Variants in CHD8 observed in about 807,000 individuals in gnomAD.
The protein encoded by CHD8 is ATP-dependent chromatin remodeler CHD8.
In CHD8, 31 loss-of-function variants were observed where a neutral mutation model predicts 279.2. The ratio of observed to expected loss-of-function variants is 0.11; its 90% CI spans 0.08 to 0.15. The LOEUF (loss-of-function observed/expected upper bound fraction) is 0.15, where lower values mean the gene tolerates loss of function less well. Among genes scored for constraint, CHD8 ranks in the 10% least tolerant of loss-of-function variants. The pLI, the probability that CHD8 is intolerant of heterozygous loss-of-function variation, is 1.00. For missense variants in CHD8, 2,146 were observed against 3,230.5 expected, an observed-to-expected ratio of 0.66 and a Z score of 8.14; for synonymous variants, 1,081 against 1,139.6, an observed-to-expected ratio of 0.95 and a Z score of 1.04.
At chr14:21,410,648 T>A (rs957023477) in intron 10 of CHD8, among the ~76,000 whole-genome samples, 2 of 152,250 alleles carry the variant, frequency 1.3e-5, no homozygotes, top group African/African-American at 2.4e-5. Context: ...TGGCTCCTAT[T>A]TTCACTATTC....
intron 37 of CHD8, 109 bp downstream of exon 37, chr14:21,390,838 A>G (rs1208217635): frequency 3.0e-6 from 2 of 665,904 alleles, no homozygotes; most frequent in African/African-American, 1.8e-5. Flanking sequence ...TCTTCACACA[A>G]ACAAACATAG....
chr14:21,426,393 G>A (rs11848144), intron 4 of CHD8, 151 bp from the exon 5 acceptor site: 1 of 580,594 alleles, frequency 1.7e-6, no homozygotes, highest in Admixed American at 3.3e-5. Flanking sequence ...TAAATATGGT[G>A]TTTGAAAAAA....
intron 1 of CHD8, among the ~76,000 whole-genome samples, chr14:21,437,765 T>C (rs536995544): frequency 6.6e-6 from 1 of 152,312 alleles, no homozygotes; most frequent in South Asian, 2.1e-4. Flanking sequence ...GCACTCTTTC[T>C]GCCACAACAC....
intron 29 of CHD8, 40 bp from the exon 30 acceptor site, chr14:21,395,159 G>T: frequency 6.3e-7 from 1 of 1,583,860 alleles, no homozygotes; most frequent in East Asian, 2.3e-5. Flanking sequence ...AGTATAGCAA[G>T]GGTAGTAGAG....
At chr14:21,401,696 T>C (rs1306956294) in intron 20 of CHD8, 183 bp from the exon 21 acceptor site, 4 of 581,900 alleles carry the variant, frequency 6.9e-6, no homozygotes, top group Non-Finnish European at 1.2e-5. Context: ...GTGATTCTCC[T>C]GCCTCAGCCT....
In CHD8 at chr14:21,408,600, C is replaced by T. The variant is rs765471386; in HGVS notation, c.2487-45G>A. ...AAAAAAAAATGTTAAAAGATACTAT[C>T]TTTAAAAAAAATAGAGTATGTAGGA... On this transcript the variant is annotated intron_variant, in intron 12 of 37. Transcript: ENST00000646647. This position sits in a 1 kb window ranked among gnomAD's most constrained non-coding sequence, Gnocchi z 4.3. 6.4e-7 allele frequency: 1 copy of T among 1,573,642 alleles called. No individual in the cohort carries two copies. The highest frequency in any genetic ancestry group is 8.6e-7 in the Non-Finnish European group (1 of 1,161,372).
intron 4 of CHD8, 48 bp from the exon 5 acceptor site, chr14:21,426,290 T>G (rs1408593725): frequency 4.1e-6 from 4 of 976,938 alleles, no homozygotes; most frequent in African/African-American, 1.6e-5. Context: ...AAAGAAAATT[T>G]AGGAGTAAAA....
chr14:21,446,394 C>A (rs962340029), intron 1 of CHD8, among the ~76,000 whole-genome samples: 8 of 151,114 alleles, frequency 5.3e-5, no homozygotes, highest in African/African-American at 1.9e-4. Flanking sequence ...TCACTGCAAC[C>A]TCTGTCTCCC....
At chr14:21,397,187 C>T (rs1594336064) in intron 27 of CHD8, 1 of 295,724 alleles carries the variant, frequency 3.4e-6, no homozygotes, top group East Asian at 8.4e-5. Flanking sequence ...AACCCAATTT[C>T]CTTTGAGGGT....
intron 25 of CHD8, 61 bp downstream of exon 25, chr14:21,399,920 C>CA (rs1466549693): frequency 1.4e-6 from 2 of 1,384,780 alleles, no homozygotes; most frequent in African/African-American, 2.9e-5. Context: ...ATGAAATAAG[C>CA]AAACCAATCT....
Position 21,393,990 on chromosome 14 carries a change from T to G in CHD8, c.5805A>C (p.Arg1935Ser). 6.2e-7 allele frequency: 1 copy of G among 1,613,898 alleles called. No individual in the cohort carries two copies. Among genetic ancestry groups the G allele is most frequent in the South Asian group, 1.1e-5 (1 of 91,080 alleles). The change falls in exon 32 of 38, where the codon AGA becomes AGC. Residue 1935 changes from arginine (R) to serine (S), a missense_variant. Physicochemically the swap from Arg to Ser is moderately radical, Grantham distance 110 (BLOSUM62 -1). Coordinates refer to ENST00000646647, the MANE Select transcript of CHD8 (RefSeq NM_001170629.2). ...GGCTCACCCCATGGCGGGCTGCCCCTCTTAGAAGCTCCCCATCATGCCGAA... is the reference window on the plus strand; with the variant it reads ...GGCTCACCCCATGGCGGGCTGCCCCGCTTAGAAGCTCCCCATCATGCCGAA... ...EPVRHDGELL[R>S]GAARHGVSQT...
At position 21,395,851 on chromosome 14, in the gene CHD8, G is replaced by A; in HGVS notation, c.5093C>T (p.Pro1698Leu). ...TTGGTCCTTTGGGGGACCTTGGAGT[G>A]GTTTATATTCAGGATCTTCACAATC... is the stretch of plus-strand genomic sequence containing the variant. ...DKDCEDPEYKPLQGPPKDQDD... is the reference protein window; with the variant it reads ...DKDCEDPEYKLLQGPPKDQDD... Residue 1698 changes from proline (P) to leucine (L), a missense_variant, in exon 28 of 38, where the codon CCA becomes CTA. Around this residue, in one of 26 missense-constraint regions of CHD8, gnomAD observed 75 missense variants for 81.3 expected, o/e 0.92. Transcript: ENST00000646647. The A allele has an allele frequency of 6.2e-7, 1 of 1,611,642 alleles. No homozygotes were observed. Among genetic ancestry groups the A allele is most frequent in the Non-Finnish European group, 8.5e-7 (1 of 1,178,142 alleles).
At chr14:21,444,302 G>A (rs1012584939) in intron 1 of CHD8, among the ~76,000 whole-genome samples, 6 of 152,176 alleles carry the variant, frequency 3.9e-5, no homozygotes, top group East Asian at 1.9e-4. Flanking sequence ...TCTATACCTA[G>A]GATACTGTAA....
At chr14:21,397,276 G>T (rs756837514) in intron 27 of CHD8, 1 of 511,994 alleles carries the variant, frequency 2.0e-6, no homozygotes, top group East Asian at 5.5e-5. Context: ...TATTCATTAA[G>T]CCAACTGTTT....
rs1403101565 is a variant in CHD8 at position 21,431,286 on chromosome 14, A to G, written c.358T>C (p.Leu120=). The G allele has an allele frequency of 3.2e-6, 5 of 1,578,744 alleles. No homozygotes were observed. Among genetic ancestry groups the G allele is most frequent in the African/African-American group, 1.3e-5 (1 of 74,482 alleles). ...LQTSTPTSGL[L]QVSKSQEILS... is the part of the protein sequence containing the mutation. The stretch of plus-strand genomic sequence containing the variant: ...ATCTCCTGGCTCTTGGAGACTTGCA[A>G]AAGTCCTGATGTTGGCGTCGATGTC... Residue 120 remains leucine, a synonymous_variant, in exon 2 of 38, where the codon TTG becomes CTG. Coordinates refer to ENST00000646647, the MANE Select transcript of CHD8 (RefSeq NM_001170629.2).
Position 21,391,538 on chromosome 14 carries a change from A to T in CHD8, c.6990T>A (p.Asp2330Glu). 1 of 1,613,904 alleles carries T rather than the reference A, an allele frequency of 6.2e-7. No homozygotes were observed. The highest frequency in any genetic ancestry group is 8.5e-7 in the Non-Finnish European group (1 of 1,179,840). Residue 2330 changes from aspartate to glutamate, a missense_variant, in exon 36 of 38, where the codon GAT (aspartate) becomes GAA (glutamate). Asp to Glu is a conservative substitution (Grantham distance 45, BLOSUM62 2). Coordinates refer to ENST00000646647, the MANE Select transcript of CHD8 (RefSeq NM_001170629.2). ...TCTCCAGTTCAGCCCGGCGAGGGGCATCCTCACCCACCAGCAAAGTACCAT... is the reference window on the plus strand; with the variant it reads ...TCTCCAGTTCAGCCCGGCGAGGGGCTTCCTCACCCACCAGCAAAGTACCAT... The part of the protein sequence containing the change: ...KVDGTLLVGE[D>E]APRRAELEMW...
At position 21,393,689 on chromosome 14, in the gene CHD8, G is replaced by T. The variant is rs1192042781; in HGVS notation, c.6106C>A (p.Pro2036Thr). ...LEHEVVARSR[P>T]TPQDYEMRVS... ...CGCATCTCATAGTCTTGTGGGGTTGGTCGGCTCCTGGCCACCACCTCGTGC... is the reference window on the plus strand; with the variant it reads ...CGCATCTCATAGTCTTGTGGGGTTGTTCGGCTCCTGGCCACCACCTCGTGC... The change falls in exon 32 of 38, where the codon CCA becomes ACA. Residue 2036 changes from proline to threonine, a missense_variant. By Grantham distance (38) the Pro-to-Thr change is conservative. This residue lies in a region of CHD8 where 513 missense variants were observed against 637.6 expected (regional missense o/e 0.80). Transcript: ENST00000646647. 1 of 1,613,860 alleles carries T rather than the reference G, an allele frequency of 6.2e-7. No individual in the cohort carries two copies. The highest frequency in any genetic ancestry group is 1.3e-5 in the African/African-American group (1 of 74,930).
intron 9 of CHD8, 140 bp downstream of exon 9, chr14:21,414,161 A>G: frequency 1.7e-6 from 1 of 604,214 alleles, no homozygotes; most frequent in South Asian, 2.1e-5. Flanking sequence ...TAAGTAAGGG[A>G]AGTCAATGAC....
intron 27 of CHD8, among the ~76,000 whole-genome samples, chr14:21,396,223 TG>T (rs1566416413): frequency 6.6e-6 from 1 of 152,158 alleles, no homozygotes; most frequent in Non-Finnish European, 1.5e-5. Flanking sequence ...CTCAAATTCC[TG>T]GGCTCAAATA....
Sources: gnomAD v4.1 joint callset for allele counts (sites outside exome capture counted in the v4.1 genomes callset) on GRCh38, gnomAD v4.1.1 for gene constraint, gnomAD v4.1.1 regional missense constraint, Gnocchi (gnomAD v3.1) non-coding constraint, MANE v1.5 for transcripts, NCBI Gene and HGNC (gene_info 2026-07-23, HGNC 2026-07-21) for gene names.